Variants in HERC3 observed in about 807,000 individuals in gnomAD.
HERC3 encodes probable E3 ubiquitin-protein ligase HERC3.
Under a neutral mutation model 129.9 loss-of-function variants are expected in HERC3, and 58 were observed. That is an observed-to-expected ratio of 0.45 (90% CI 0.36 to 0.56). The LOEUF (loss-of-function observed/expected upper bound fraction) is 0.56. Ranked by LOEUF, HERC3 falls within the 20% of genes least tolerant of loss-of-function variation. The pLI, the probability that HERC3 is intolerant of heterozygous loss-of-function variation, is 0.00. For missense variants in HERC3, 835 were observed against 1,244.2 expected, an observed-to-expected ratio of 0.67 and a Z score of 4.95; for synonymous variants, 430 against 451.0, an observed-to-expected ratio of 0.95 and a Z score of 0.59.
rs537626704 is a variant in HERC3, at chr4:88,623,599, C to G, written c.226+17550C>G. 2.1e-3 allele frequency among the ~76,000 whole-genome samples: 325 copies of G among 152,258 alleles called. 1 individual carries two copies. Among genetic ancestry groups the G allele is most frequent in the Non-Finnish European group, 3.0e-3 (206 of 68,020 alleles). The stretch of plus-strand genomic sequence containing the variant: ...CCCTCACGTGGGCTACCATTCAAAC[C>G]TGCATGTTTCTTTTATTACACTATT... On this transcript the variant is annotated intron_variant, in intron 3 of 25. Transcript: ENST00000402738.
chr4:88,663,916 T>C (rs1198515035), intron 11 of HERC3, among the ~76,000 whole-genome samples: 1 of 152,180 alleles, frequency 6.6e-6, no homozygotes, highest in Non-Finnish European at 1.5e-5. Flanking sequence ...AGAGGTTTTC[T>C]TTCAGGAGCT....
chr4:88,577,752 T>C, the HERC3 span, among the ~76,000 whole-genome samples: 2 of 152,034 alleles, frequency 1.3e-5, no homozygotes, highest in South Asian at 2.1e-4. Context: ...ACTGGCACCA[T>C]AGAATGGTGA....
intron 3 of HERC3, among the ~76,000 whole-genome samples, chr4:88,620,751 C>A (rs1293614293): frequency 6.6e-6 from 1 of 152,118 alleles, no homozygotes; most frequent in Non-Finnish European, 1.5e-5. Context: ...ATACTCTGTT[C>A]CTCTGGCTTC....
At chr4:88,595,932 T>G (rs1414444422) in intron 2 of HERC3, among the ~76,000 whole-genome samples, 3 of 138,732 alleles carry the variant, frequency 2.2e-5, no homozygotes, top group African/African-American at 8.1e-5. Flanking sequence ...CACTGCAGGC[T>G]CCGCCCCCCG....
upstream of HERC3, among the ~76,000 whole-genome samples, chr4:88,590,281 C>T (rs373841826): frequency 7.0e-6 from 1 of 143,314 alleles, no homozygotes; most frequent in East Asian, 2.2e-4. Flanking sequence ...AAAACAAACT[C>T]CGGGCGCGGT....
At chr4:88,565,826 C>G in the HERC3 span, among the ~76,000 whole-genome samples, 1 of 152,100 alleles carries the variant, frequency 6.6e-6, no homozygotes, top group Non-Finnish European at 1.5e-5. Flanking sequence ...CAGACTTATC[C>G]TACAAGAAAT....
the HERC3 span, among the ~76,000 whole-genome samples, chr4:88,569,293 C>T: frequency 2.6e-5 from 4 of 152,300 alleles, no homozygotes; most frequent in Admixed American, 2.6e-4. Flanking sequence ...TCTCCTTTCC[C>T]CAAGCACACA....
intron 10 of HERC3, among the ~76,000 whole-genome samples, chr4:88,660,206 A>G (rs1560731686): frequency 6.9e-6 from 1 of 145,418 alleles, no homozygotes; most frequent in Non-Finnish European, 1.5e-5. Context: ...TACAGCCTCT[A>G]TTTTTTTTTT....
intron 13 of HERC3, among the ~76,000 whole-genome samples, 185 bp downstream of exon 13, chr4:88,667,673 G>T (rs1162723776): frequency 6.6e-6 from 1 of 152,144 alleles, no homozygotes; most frequent in Admixed American, 6.5e-5. Flanking sequence ...CCAAGGCAAT[G>T]CCCCTCTAGA....
At chr4:88,541,551 A>C in the HERC3 span, among the ~76,000 whole-genome samples, 18 of 152,326 alleles carry the variant, frequency 1.2e-4, no homozygotes, top group South Asian at 1.7e-3. Context: ...AAGGTTAACA[A>C]GGATATTCAG....
chr4:88,541,011 A>G, the HERC3 span, among the ~76,000 whole-genome samples: 7,348 of 152,310 alleles, frequency 0.048, 433 homozygotes, highest in East Asian at 0.28. Flanking sequence ...AAGACCATCA[A>G]TACTAGGAAG....
chr4:88,690,537 C>T, intron 23 of HERC3: 6 of 984,678 alleles, frequency 6.1e-6, no homozygotes, highest in Non-Finnish European at 7.2e-6. Flanking sequence ...GGAAGGGGAA[C>T]ATTCAGAGTG....
intron 19 of HERC3, among the ~76,000 whole-genome samples, chr4:88,679,078 A>G (rs1732474049): frequency 6.6e-6 from 1 of 152,180 alleles, no homozygotes; most frequent in Admixed American, 6.5e-5. Context: ...GCTTTGTTGA[A>G]TGCTGTTTTT....
the HERC3 span, among the ~76,000 whole-genome samples, chr4:88,566,725 TA>T: frequency 1.3e-5 from 2 of 152,370 alleles, no homozygotes; most frequent in South Asian, 4.1e-4. Context: ...GGAAAATCTT[TA>T]TTTCTCCTTC....
chr4:88,702,390 G>T (rs958318921), intron 23 of HERC3, among the ~76,000 whole-genome samples: 1 of 152,320 alleles, frequency 6.6e-6, no homozygotes, highest in East Asian at 1.9e-4. Context: ...TTGCCCAAGG[G>T]TCACAAGCTC....
At chr4:88,628,461 T>C (rs547658617) in intron 3 of HERC3, among the ~76,000 whole-genome samples, 5 of 152,176 alleles carry the variant, frequency 3.3e-5, no homozygotes, top group Admixed American at 6.5e-5. Flanking sequence ...AGCATATAGT[T>C]GTGTCTCCCA....
At chr4:88,688,548 G>T (rs893040277) in intron 23 of HERC3, among the ~76,000 whole-genome samples, 25 of 152,062 alleles carry the variant, frequency 1.6e-4, no homozygotes, top group African/African-American at 6.0e-4. Flanking sequence ...GTTATATATT[G>T]ATAATAATGC....
intron 23 of HERC3, chr4:88,697,665 G>T (rs757997574): frequency 1.2e-6 from 2 of 1,612,842 alleles, no homozygotes; most frequent in Non-Finnish European, 8.5e-7. Context: ...CCTGCGCACC[G>T]CCTTCCGCCA....
In HERC3 at chr4:88,655,850, G is replaced by A. The variant is rs192424672; in HGVS notation, c.909-25G>A. 4.6e-4 allele frequency: 743 copies of A among 1,599,004 alleles called. 5 individuals carry two copies. In the Admixed American group the frequency reaches 7.0e-3, roughly 15 times the overall value. ...CATCCACATTAGTAGAAACTATGCT[G>A]ATGAGTTAAATTATTTTTTCACAGA... On this transcript the variant is annotated intron_variant, in intron 8 of 25. Transcript: ENST00000402738.
Sources: allele counts gnomAD v4.1 joint callset (sites outside exome capture counted in the v4.1 genomes callset), GRCh38; gene constraint gnomAD v4.1.1; transcripts MANE v1.5; gene names NCBI Gene and HGNC (gene_info 2026-07-23, HGNC 2026-07-21).